RCAN2: variants seen among roughly 807,000 people sequenced by gnomAD.
The protein encoded by RCAN2 is regulator of calcineurin 2.
RCAN2 carries 9 observed loss-of-function variants against 23.6 expected under a neutral mutation model. The observed-to-expected ratio is 0.38, with a 90% CI of 0.23 to 0.67. The LOEUF is 0.67. Ranked by LOEUF, RCAN2 falls within the 30% of genes least tolerant of loss-of-function variation. The pLI is 0.51. For missense variants in RCAN2, 273 were observed against 302.3 expected, an observed-to-expected ratio of 0.90 and a Z score of 0.72; for synonymous variants, 109 against 115.7, an observed-to-expected ratio of 0.94 and a Z score of 0.37.
intron 2 of RCAN2, among the ~76,000 whole-genome samples, chr6:46,346,517 T>C (rs2150375779): frequency 6.6e-6 from 1 of 152,280 alleles, no homozygotes; most frequent in African/African-American, 2.4e-5. Context: ...ATAAAATATA[T>C]GTCTAACCAT....
intron 1 of RCAN2, among the ~76,000 whole-genome samples, chr6:46,458,150 A>G (rs774353807): frequency 1.2e-3 from 187 of 152,240 alleles, no homozygotes; most frequent in Non-Finnish European, 2.3e-3. Context: ...CAGTCCCATC[A>G]TCACAGATGC....
intron 2 of RCAN2, among the ~76,000 whole-genome samples, chr6:46,384,137 T>C (rs1308843709): frequency 6.6e-6 from 1 of 152,224 alleles, no homozygotes; most frequent in Non-Finnish European, 1.5e-5. Flanking sequence ...TGCTGGGCTC[T>C]GGGAACAGCA....
chr6:46,381,579 T>TC (rs1283515628), intron 2 of RCAN2, among the ~76,000 whole-genome samples: 1 of 152,132 alleles, frequency 6.6e-6, no homozygotes, highest in Admixed American at 6.5e-5. Flanking sequence ...GCGTTCTCGT[T>TC]CCCCCAGACA....
intron 2 of RCAN2, among the ~76,000 whole-genome samples, chr6:46,374,952 G>C (rs1582151636): frequency 6.6e-6 from 1 of 152,310 alleles, no homozygotes; most frequent in Non-Finnish European, 1.5e-5. Flanking sequence ...CGTCGCCCAA[G>C]CTGGAGTGCA....
At chr6:46,392,334 G>A (rs867317472) in intron 2 of RCAN2, among the ~76,000 whole-genome samples, 27 of 152,284 alleles carry the variant, frequency 1.8e-4, no homozygotes, top group African/African-American at 3.4e-4. Flanking sequence ...CAGAAGAGTC[G>A]ACTTCAAATG....
At chr6:46,266,543 A>C (rs1035133372) in intron 2 of RCAN2, among the ~76,000 whole-genome samples, 1 of 152,130 alleles carries the variant, frequency 6.6e-6, no homozygotes, top group Non-Finnish European at 1.5e-5. Context: ...GTGACCCCCA[A>C]TCTGCCTAGG....
chr6:46,408,968 T>C (rs1326376376), intron 2 of RCAN2, among the ~76,000 whole-genome samples: 2 of 152,186 alleles, frequency 1.3e-5, no homozygotes, highest in African/African-American at 2.4e-5. Flanking sequence ...TTTTAGGGTA[T>C]ATAAATTTCA....
intron 2 of RCAN2, among the ~76,000 whole-genome samples, chr6:46,351,474 G>T (rs1698175959): frequency 6.6e-6 from 1 of 152,176 alleles, no homozygotes; most frequent in South Asian, 2.1e-4. Flanking sequence ...AGATTGTGTA[G>T]CAGGGATTTG....
chr6:46,463,704 T>C (rs1483317208), intron 1 of RCAN2, among the ~76,000 whole-genome samples: 1 of 152,188 alleles, frequency 6.6e-6, no homozygotes, highest in Non-Finnish European at 1.5e-5. Context: ...AATCTTAAAT[T>C]TGGATGCTCA....
At chr6:46,278,556 C>T (rs1248328604) in intron 2 of RCAN2, among the ~76,000 whole-genome samples, 2 of 152,170 alleles carry the variant, frequency 1.3e-5, no homozygotes, top group African/African-American at 4.8e-5. Context: ...AACACTGATA[C>T]AATATTATAA....
intron 2 of RCAN2, among the ~76,000 whole-genome samples, chr6:46,452,035 C>T (rs1187991314): frequency 3.3e-5 from 5 of 152,126 alleles, no homozygotes; most frequent in Non-Finnish European, 5.9e-5. Flanking sequence ...TAGTTGTTTG[C>T]TTATTTTGAA....
chr6:46,239,977 A>G (rs1311946090), intron 4 of RCAN2, among the ~76,000 whole-genome samples: 1 of 152,170 alleles, frequency 6.6e-6, no homozygotes, highest in Non-Finnish European at 1.5e-5. Flanking sequence ...AACTAAGGGA[A>G]CCACAGAGGG....
rs183034044 is a variant in RCAN2 at position 46,221,876 on chromosome 6, G to A, written c.*1265C>T. 4.1e-4 allele frequency: 163 copies of A among 398,384 alleles called. No individual in the cohort carries two copies. Among genetic ancestry groups the A allele is most frequent in the Non-Finnish European group, 9.3e-5 (21 of 225,896 alleles). 24.7% of individuals were successfully genotyped at this position (398,384 alleles called of 1,614,324 possible). A position where few individuals can be genotyped will look rare whatever the true frequency, so the allele number is the denominator to read the frequency against. ...AGGTGTATCTTCTGTAATGCACTTT[G>A]GGCTAGAGAAATAGAAAAATCACAC... On this transcript the variant is annotated 3_prime_UTR_variant, in exon 5 of 5. Coordinates refer to ENST00000371374, the MANE Select transcript of RCAN2 (RefSeq NM_001251974.2).
At position 46,455,806 on chromosome 6, in the gene RCAN2, G is replaced by A. The variant is rs141448403; in HGVS notation, c.225+946C>T. Among the ~76,000 whole-genome samples, 252 of 148,920 alleles carry A rather than the reference G, an allele frequency of 1.7e-3. 1 individual carries two copies. Among genetic ancestry groups the A allele is most frequent in the African/African-American group, 5.9e-3 (237 of 40,334 alleles). On this transcript the variant is annotated intron_variant, in intron 2 of 4. Coordinates refer to ENST00000371374, the MANE Select transcript of RCAN2 (RefSeq NM_001251974.2). ...AAGGAGGTGGAGCTGGCAGTGAGCC[G>A]AGATTGCACCACTGCACTCCAGCCT...
At chr6:46,341,623 C>G (rs1014664663) in intron 2 of RCAN2, among the ~76,000 whole-genome samples, 16 of 151,918 alleles carry the variant, frequency 1.1e-4, no homozygotes, top group African/African-American at 3.9e-4. Context: ...ATGGTGAGAC[C>G]CCCATCTCTA....
At chr6:46,416,334 G>A (rs1766714619) in intron 2 of RCAN2, among the ~76,000 whole-genome samples, 2 of 149,070 alleles carry the variant, frequency 1.3e-5, no homozygotes, top group Non-Finnish European at 3.0e-5. Context: ...TTCAATTATT[G>A]TAAGCAAAGA....
At chr6:46,345,601 C>A (rs1282020678) in intron 2 of RCAN2, among the ~76,000 whole-genome samples, 1 of 152,014 alleles carries the variant, frequency 6.6e-6, no homozygotes, top group Non-Finnish European at 1.5e-5. Context: ...TTCCTGAAAC[C>A]CTTTTAGGAA....
chr6:46,283,586 C>T lies in RCAN2; in HGVS notation c.226-34690G>A, dbSNP rs528040355. 6.6e-5 allele frequency among the ~76,000 whole-genome samples: 10 copies of T among 152,310 alleles called. No individual in the cohort carries two copies. In the South Asian group the frequency reaches 2.1e-3, roughly 32 times the overall value. On this transcript the variant is annotated intron_variant, in intron 2 of 4. Transcript: ENST00000371374. ...GACAAGAACTCTGATTTTCTGACTT[C>T]CCTCCCTAGGTATCTGTGCAGCCTT...
chr6:46,491,662 C>G (rs185695025), upstream of RCAN2, among the ~76,000 whole-genome samples: 3 of 152,016 alleles, frequency 2.0e-5, no homozygotes, highest in Non-Finnish European at 2.9e-5. Flanking sequence ...CCCCGCACCC[C>G]CTCCTTTCCA....
Sources: gnomAD v4.1 joint callset for allele counts (sites outside exome capture counted in the v4.1 genomes callset) on GRCh38, gnomAD v4.1.1 for gene constraint, MANE v1.5 for transcripts, NCBI Gene and HGNC (gene_info 2026-07-23, HGNC 2026-07-21) for gene names.